CLIP1: variants seen among roughly 807,000 people sequenced by gnomAD.
CLIP1 encodes CAP-Gly domain containing linker protein 1, also known as CAP-Gly domain-containing linker protein 1.
CLIP1 carries 66 observed loss-of-function variants against 161.6 expected under a neutral mutation model. The observed-to-expected ratio is 0.41, with a 90% CI of 0.33 to 0.50. The LOEUF is 0.50. Ranked by LOEUF, CLIP1 falls within the 20% of genes least tolerant of loss-of-function variation. The pLI is 0.27. For missense variants in CLIP1, 1,376 were observed against 1,702.0 expected (o/e 0.81, Z 3.37); for synonymous variants, 598 against 626.2 (o/e 0.96, Z 0.67).
Position 122,271,507 on chromosome 12 carries a change from CT to C in CLIP1, c.*1367del, listed in dbSNP as rs1180911728. On this transcript the variant is annotated 3_prime_UTR_variant, in exon 26 of 26. Coordinates refer to ENST00000620786, the MANE Select transcript of CLIP1 (RefSeq NM_001247997.2). Reference sequence around the variant, plus strand: ...ATTTTAATACTGCTTTACATGTTTTCTGTTTGTGAAACAATTCGTATTACAT... The same window carrying C: ...ATTTTAATACTGCTTTACATGTTTTCGTTTGTGAAACAATTCGTATTACAT... 3 of 152,612 alleles carry C rather than the reference CT, an allele frequency of 2.0e-5. No homozygotes were observed. The highest frequency in any genetic ancestry group is 6.5e-5 in the Admixed American group (1 of 15,270). The allele number at this position is 152,612 out of a possible 1,614,324, so 9.5% of individuals were successfully genotyped here.
chr12:122,390,759 A>G (rs922129144), intron 1 of CLIP1, among the ~76,000 whole-genome samples: 4 of 151,822 alleles, frequency 2.6e-5, no homozygotes, highest in African/African-American at 9.7e-5. Flanking sequence ...AACCATTTGT[A>G]TAATGTTTAT....
At chr12:122,307,056 C>A (rs924811275) in intron 20 of CLIP1, among the ~76,000 whole-genome samples, 1 of 129,192 alleles carries the variant, frequency 7.7e-6, no homozygotes, top group African/African-American at 3.1e-5. Context: ...GTCGCCCAGG[C>A]TGGAGTGCAG....
At position 122,272,135 on chromosome 12, in the gene CLIP1, T is replaced by TC. The variant is rs1261678704; in HGVS notation, c.*739dup. ...GAAAGACACATTGTGTATGTTTTTTTCCCAAAATATAGATTTTTAAAAAAT... is the reference window on the plus strand; with the variant it reads ...GAAAGACACATTGTGTATGTTTTTTTCCCCAAAATATAGATTTTTAAAAAAT... On this transcript the variant is annotated 3_prime_UTR_variant, in exon 26 of 26. Coordinates refer to ENST00000620786, the MANE Select transcript of CLIP1 (RefSeq NM_001247997.2). 3.9e-5 allele frequency: 6 copies of TC among 152,466 alleles called. No homozygotes were observed. The highest frequency in any genetic ancestry group is 8.8e-5 in the Non-Finnish European group (6 of 68,024). 9.4% of individuals were successfully genotyped at this position (152,466 alleles called of 1,614,324 possible).
chr12:122,296,483 G>A (rs1768202804), intron 20 of CLIP1, among the ~76,000 whole-genome samples: 1 of 151,890 alleles, frequency 6.6e-6, no homozygotes, highest in Admixed American at 6.6e-5. Flanking sequence ...GGAACACCAA[G>A]GAAAAATATA....
At position 122,279,634 on chromosome 12, in the gene CLIP1, T is replaced by C. The variant is rs1337199004; in HGVS notation, c.3648-489A>G. On this transcript the variant is annotated intron_variant, in intron 21 of 25. Coordinates refer to ENST00000620786, the MANE Select transcript of CLIP1 (RefSeq NM_001247997.2). The surrounding 1 kb of genome is among the most constrained non-coding windows in gnomAD (Gnocchi z 4.5). ...TGGTTCTCACTAATTTCAGTAACTT[T>C]TGTAGCAAGTTCCAAGAATGGGTGT... 1.3e-5 allele frequency: 2 copies of C among 152,250 alleles called. No individual in the cohort carries two copies. Among genetic ancestry groups the C allele is most frequent in the Non-Finnish European group, 2.9e-5 (2 of 68,084 alleles). 9.4% of individuals were successfully genotyped at this position (152,250 alleles called of 1,614,324 possible).
chr12:122,410,875 T>C (rs1461899668), intron 1 of CLIP1, among the ~76,000 whole-genome samples: 2 of 152,028 alleles, frequency 1.3e-5, no homozygotes, highest in Admixed American at 6.6e-5. Context: ...AGCCACCAGG[T>C]AAATACAAAT....
chr12:122,366,745 GCA>G (rs1593176374), intron 3 of CLIP1, among the ~76,000 whole-genome samples: 1 of 152,168 alleles, frequency 6.6e-6, no homozygotes, highest in East Asian at 1.9e-4. Context: ...AGTGGCTGAG[GCA>G]CAAGAGTTGC....
At position 122,336,700 on chromosome 12, in the gene CLIP1, T is replaced by C. The variant is rs1952240096; in HGVS notation, c.2500A>G (p.Asn834Asp). The stretch of plus-strand genomic sequence containing the variant: ...ACTTCACTCAAATTTTCCTGAAGGT[T>C]AGTAAGCTTTAGCTCTCTCCCCTGG... ...ELQGRELKLT[N>D]LQENLSEVSQ... The change falls in exon 12 of 26, where the codon AAC becomes GAC. Residue 834 changes from asparagine to aspartate, a missense_variant. Physicochemically the swap from Asn to Asp is conservative, Grantham distance 23 (BLOSUM62 1). Around this residue, in one of 6 missense-constraint regions of CLIP1, gnomAD observed 948 missense variants for 1,134.8 expected, o/e 0.84. Coordinates refer to ENST00000620786, the MANE Select transcript of CLIP1 (RefSeq NM_001247997.2). 5.6e-6 allele frequency: 9 copies of C among 1,612,084 alleles called. No homozygotes were observed. Among genetic ancestry groups the C allele is most frequent in the Non-Finnish European group, 7.6e-6 (9 of 1,179,000 alleles).
In CLIP1 at chr12:122,334,186, CCAGTCAAATATTATGCTCA is replaced by C; in HGVS notation, c.2627-95_2627-77del. The stretch of plus-strand genomic sequence containing the variant: ...ATCTGGAGCTTGGCTGTCTTACAAC[CCAGTCAAATATTATGCTCA>C]AGAGATCTGAGAACACAGGAATACT... On this transcript the variant is annotated intron_variant, in intron 13 of 25. Transcript: ENST00000620786. The C allele has an allele frequency of 9.2e-6, 8 of 870,334 alleles. No homozygotes were observed. The Middle Eastern group carries it at 1.0e-3, about 111-fold the overall frequency. The allele number at this position is 870,334 out of a possible 1,614,324, so 53.9% of individuals were successfully genotyped here.
In CLIP1 at chr12:122,330,597, G is replaced by GTTTTTTTTTTTTTT. The variant is rs71082966; in HGVS notation, c.2868-2185_2868-2172dup. 3.7e-4 allele frequency among the ~76,000 whole-genome samples: 38 copies of GTTTTTTTTTTTTTT among 101,382 alleles called. 4 individuals carry two copies. Among genetic ancestry groups the GTTTTTTTTTTTTTT allele is most frequent in the African/African-American group, 1.6e-3 (37 of 22,780 alleles). 66.5% of individuals were successfully genotyped at this position (101,382 alleles called of 152,430 possible). ...TTCAGCACTGAAGAAGTATAATGCA[G>GTTTTTTTTTTTTTT]TTTTTTTTTTTTTTTTTTTTGAGAT... On this transcript the variant is annotated intron_variant, in intron 15 of 25. Transcript: ENST00000620786.
intron 24 of CLIP1, chr12:122,276,497 A>G: frequency 7.8e-7 from 1 of 1,288,606 alleles, no homozygotes; most frequent in Admixed American, 2.3e-5. Context: ...CGAAGCAGAA[A>G]GGAAGGGGGA....
In CLIP1 at chr12:122,364,140, A is replaced by C. The variant is rs369566935; in HGVS notation, c.658-33T>G. ...AAGAGAAGGTTAAAATAAAGAGATG[A>C]ACATCACTCTATAGCTTAATCGTTT... On this transcript the variant is annotated intron_variant, in intron 3 of 25. Coordinates refer to ENST00000620786, the MANE Select transcript of CLIP1 (RefSeq NM_001247997.2). 2.5e-6 allele frequency: 4 copies of C among 1,613,260 alleles called. No homozygotes were observed. In the African/African-American group the frequency reaches 5.3e-5, roughly 22 times the overall value.
chr12:122,406,782 A>G (rs1023016446), intron 1 of CLIP1, among the ~76,000 whole-genome samples: 1 of 152,146 alleles, frequency 6.6e-6, no homozygotes, highest in African/African-American at 2.4e-5. Context: ...GGCATAAGAC[A>G]ATGTTTTTTT....
chr12:122,381,305 A>C (rs1408063880), intron 1 of CLIP1, among the ~76,000 whole-genome samples: 3 of 152,234 alleles, frequency 2.0e-5, no homozygotes, highest in Non-Finnish European at 4.4e-5. Context: ...TGCAATTTAC[A>C]ATATAAAACT....
intron 7 of CLIP1, among the ~76,000 whole-genome samples, chr12:122,353,261 G>A (rs1314455305): frequency 6.6e-6 from 1 of 152,176 alleles, no homozygotes; most frequent in African/African-American, 2.4e-5. Flanking sequence ...AGGATTGCTT[G>A]AGCCCAGGTA....
intron 17 of CLIP1, among the ~76,000 whole-genome samples, chr12:122,327,399 A>C (rs985046801): frequency 7.2e-5 from 11 of 152,182 alleles, no homozygotes; most frequent in African/African-American, 2.4e-4. Flanking sequence ...CTGCCCTTGA[A>C]TCCAGCTTCC....
rs190550486 is a variant in CLIP1, at chr12:122,382,286, G to A, written c.-106-1728C>T. On this transcript the variant is annotated intron_variant, in intron 1 of 25. Coordinates refer to ENST00000620786, the MANE Select transcript of CLIP1 (RefSeq NM_001247997.2). The stretch of plus-strand genomic sequence containing the variant: ...TGCAGCAGGAGAACTGCTTGAACCC[G>A]GGAGGCAGAGGTTGTAGTGAGCCCA... Among the ~76,000 whole-genome samples the A allele has an allele frequency of 5.1e-4, 77 of 151,958 alleles. 1 individual carries two copies. Among genetic ancestry groups the A allele is most frequent in the Middle Eastern group, 3.4e-3 (1 of 294 alleles).
intron 3 of CLIP1, among the ~76,000 whole-genome samples, chr12:122,373,676 G>A (rs1954571485): frequency 6.6e-6 from 1 of 152,048 alleles, no homozygotes. Context: ...GGAAAAATGG[G>A]TGCAATCTAA....
chr12:122,377,406 T>G lies in CLIP1; in HGVS notation c.640A>C (p.Ile214Leu), dbSNP rs1331817557. Reference protein sequence around the residue: ...SIKKGERELKIGDRVLVGGTK... With the variant: ...SIKKGERELKLGDRVLVGGTK... Reference sequence around the variant, plus strand: ...CTACTCACCAATACTCTGTCTCCGATTTTGAGCTCTCTTTCTCCTTTCTTG... The same window carrying G: ...CTACTCACCAATACTCTGTCTCCGAGTTTGAGCTCTCTTTCTCCTTTCTTG... Residue 214 changes from isoleucine (I) to leucine (L), a missense_variant, in exon 3 of 26, where the codon ATC becomes CTC. Coordinates refer to ENST00000620786, the MANE Select transcript of CLIP1 (RefSeq NM_001247997.2). 1 of 1,613,688 alleles carries G rather than the reference T, an allele frequency of 6.2e-7. No individual in the cohort carries two copies. The highest frequency in any genetic ancestry group is 1.7e-5 in the Admixed American group (1 of 59,918).
Sources: allele counts gnomAD v4.1 joint callset (sites outside exome capture counted in the v4.1 genomes callset), GRCh38; gene constraint gnomAD v4.1.1; regional missense constraint gnomAD v4.1.1; non-coding constraint Gnocchi (gnomAD v3.1); transcripts MANE v1.5; gene names NCBI Gene and HGNC (gene_info 2026-07-23, HGNC 2026-07-21).